Variants in ERO1B observed in about 807,000 individuals in gnomAD.
ERO1B encodes the protein ERO1-like protein beta.
Under a neutral mutation model 75.3 loss-of-function variants are expected in ERO1B, and 49 were observed. The ratio of observed to expected loss-of-function variants is 0.65; its 90% CI spans 0.52 to 0.83. The LOEUF (loss-of-function observed/expected upper bound fraction) is 0.83, where lower values mean the gene tolerates loss of function less well. Ranked by LOEUF, ERO1B falls within the 40% of genes least tolerant of loss-of-function variation. The pLI is 0.00. For missense variants in ERO1B, 512 were observed against 560.1 expected, an observed-to-expected ratio of 0.91 and a Z score of 0.87; for synonymous variants, 191 against 192.9, an observed-to-expected ratio of 0.99 and a Z score of 0.08.
chr1:236,258,148 G>A (rs115973763), intron 2 of ERO1B, among the ~76,000 whole-genome samples: 7 of 1,382 alleles, frequency 5.1e-3, no homozygotes, highest in African/African-American at 7.0e-3. Flanking sequence ...GAAAAACAAA[G>A]CAAAAAAAAA....
chr1:236,266,589 G>A (rs1028635283), intron 2 of ERO1B, among the ~76,000 whole-genome samples: 10 of 150,998 alleles, frequency 6.6e-5, no homozygotes, highest in African/African-American at 2.4e-4. Flanking sequence ...GGGCAACAGA[G>A]CAAGACTCTG....
In ERO1B at chr1:236,231,026, A is replaced by G. The variant is rs542303126; in HGVS notation, c.686-776T>C. 7.9e-5 allele frequency among the ~76,000 whole-genome samples: 12 copies of G among 152,336 alleles called. No homozygotes were observed. In the East Asian group the frequency reaches 2.3e-3, roughly 29 times the overall value. ...TAACGATCTCAAATTTGCTTTTCAT[A>G]ACAACCATAGTGCTTTTTAAATATT... On this transcript the variant is annotated intron_variant, in intron 9 of 15. Coordinates refer to ENST00000354619, the MANE Select transcript of ERO1B (RefSeq NM_019891.4).
At chr1:236,258,314 G>C (rs1014449059) in intron 2 of ERO1B, among the ~76,000 whole-genome samples, 2 of 152,042 alleles carry the variant, frequency 1.3e-5, no homozygotes, top group African/African-American at 4.8e-5. Context: ...TACAAACAAG[G>C]GAACTTCCAG....
In ERO1B at chr1:236,239,873, G is replaced by A. The variant is rs200381278; in HGVS notation, c.506-3475C>T. Among the ~76,000 whole-genome samples, 456 of 78,438 alleles carry A rather than the reference G, an allele frequency of 5.8e-3. 9 individuals are homozygous for A. Among genetic ancestry groups the A allele is most frequent in the African/African-American group, 0.017 (381 of 21,918 alleles). The allele number at this position is 78,438 out of a possible 152,430, so 51.5% of individuals were successfully genotyped here. On this transcript the variant is annotated intron_variant, in intron 6 of 15. Transcript: ENST00000354619. Reference sequence around the variant, plus strand: ...TGTGTATATATGTATATATATATGTGTATATGTGTGTGTGTGTGTATATAT... The same window carrying A: ...TGTGTATATATGTATATATATATGTATATATGTGTGTGTGTGTGTATATAT...
At chr1:236,227,342 G>C (rs1322230127) in intron 10 of ERO1B, among the ~76,000 whole-genome samples, 1 of 152,174 alleles carries the variant, frequency 6.6e-6, no homozygotes, top group East Asian at 1.9e-4. Flanking sequence ...AACGTTATTT[G>C]ATGTAGCCTT....
chr1:236,272,607 C>G (rs947524513), intron 1 of ERO1B, among the ~76,000 whole-genome samples: 1 of 152,016 alleles, frequency 6.6e-6, no homozygotes, highest in African/African-American at 2.4e-5. Flanking sequence ...ACCCATGTAA[C>G]AAACCTGCAC....
intron 13 of ERO1B, 140 bp from the exon 14 acceptor site, chr1:236,222,150 C>T (rs893525083): frequency 1.4e-6 from 1 of 709,286 alleles, no homozygotes; most frequent in African/African-American, 1.8e-5. Context: ...TGCTTTGTCG[C>T]CCAGGCTGGA....
chr1:236,240,831 T>C (rs551737108), intron 6 of ERO1B, among the ~76,000 whole-genome samples: 3 of 151,854 alleles, frequency 2.0e-5, no homozygotes, highest in Non-Finnish European at 4.4e-5. Flanking sequence ...TGTCAGACAG[T>C]TGTTAGTGCT....
intron 14 of ERO1B, 144 bp from the exon 15 acceptor site, chr1:236,221,109 A>G (rs1664129243): frequency 3.4e-6 from 2 of 582,556 alleles, no homozygotes; most frequent in South Asian, 5.2e-5. Context: ...TACAGTTTCT[A>G]CTTTCTCACA....
Position 236,281,579 on chromosome 1 carries a change from G to GGCCCGGCCCC in ERO1B, c.102+102_102+103insGGGGCCGGGC, listed in dbSNP as rs1665830446. The GGCCCGGCCCC allele has an allele frequency of 6.5e-6, 4 of 618,800 alleles. No homozygotes were observed. The South Asian group carries it at 2.1e-4, about 32-fold the overall frequency. 38.3% of individuals were successfully genotyped at this position (618,800 alleles called of 1,614,324 possible). On this transcript the variant is annotated intron_variant, in intron 1 of 15. Coordinates refer to ENST00000354619, the MANE Select transcript of ERO1B (RefSeq NM_019891.4). ...GCTCGCCAGAAATCACCTCTTTTCT[G>GGCCCGGCCCC]GCCCGGCCCTGCCCGGCCCTCCCCG...
In ERO1B at chr1:236,216,700, T is replaced by C. The variant is rs1200936364; in HGVS notation, c.*1816A>G. ...TAATAGCCTTTAACTGAGGGAGTGGTGAAATAACACTATCAAAAAGTTCTT... is the reference window on the plus strand; with the variant it reads ...TAATAGCCTTTAACTGAGGGAGTGGCGAAATAACACTATCAAAAAGTTCTT... On this transcript the variant is annotated 3_prime_UTR_variant, in exon 16 of 16. Transcript: ENST00000354619. The C allele has an allele frequency of 6.6e-6, 1 of 152,096 alleles. No homozygotes were observed. The highest frequency in any genetic ancestry group is 2.1e-4 in the South Asian group (1 of 4,824). The allele number at this position is 152,096 out of a possible 1,614,324, so 9.4% of individuals were successfully genotyped here. A position where few individuals can be genotyped will look rare whatever the true frequency, so the allele number is the denominator to read the frequency against.
At chr1:236,264,103 C>T (rs1665362506) in intron 2 of ERO1B, among the ~76,000 whole-genome samples, 1 of 151,602 alleles carries the variant, frequency 6.6e-6, no homozygotes, top group African/African-American at 2.4e-5. Flanking sequence ...TTTCATATAA[C>T]TACATTTTCT....
In ERO1B at chr1:236,249,981, C is replaced by A; in HGVS notation, c.349-14G>T. 1.3e-6 allele frequency: 2 copies of A among 1,557,710 alleles called. No individual in the cohort carries two copies. Among genetic ancestry groups the A allele is most frequent in the Non-Finnish European group, 1.7e-6 (2 of 1,148,496 alleles). Reference sequence around the variant, plus strand: ...CATTTTCAAGTACTGCAAAGAAGTTCGTAAGTTTAGTAAAAATTATTACCT... The same window carrying A: ...CATTTTCAAGTACTGCAAAGAAGTTAGTAAGTTTAGTAAAAATTATTACCT... On this transcript the variant is annotated splice_polypyrimidine_tract_variant and intron_variant, in intron 4 of 15. Coordinates refer to ENST00000354619, the MANE Select transcript of ERO1B (RefSeq NM_019891.4).
At chr1:236,261,510 T>C (rs1239441426) in intron 2 of ERO1B, among the ~76,000 whole-genome samples, 2 of 151,984 alleles carry the variant, frequency 1.3e-5, no homozygotes, top group Non-Finnish European at 2.9e-5. Flanking sequence ...ACACTAACAA[T>C]GAACAATCCC....
rs201294339 is a variant in ERO1B at position 236,243,499 on chromosome 1, T to C, written c.432-4A>G. 1.5e-4 allele frequency: 235 copies of C among 1,590,406 alleles called. No homozygotes were observed. In the African/African-American group the frequency reaches 2.8e-3, roughly 19 times the overall value. ...GAAAGCTTCTTTGCTTTGATTACTA[T>C]GGGAAGGAGGAATAAAAAAGAAAAA... is the stretch of plus-strand genomic sequence containing the variant. On this transcript the variant is annotated splice_polypyrimidine_tract_variant and splice_region_variant and intron_variant, in intron 5 of 15. Transcript: ENST00000354619.
At chr1:236,258,964 T>C (rs185508171) in intron 2 of ERO1B, among the ~76,000 whole-genome samples, 4 of 152,264 alleles carry the variant, frequency 2.6e-5, no homozygotes, top group Non-Finnish European at 4.4e-5. Context: ...AGAACACTAT[T>C]ATACTGTACT....
chr1:236,280,992 C>A (rs1665816613), intron 1 of ERO1B, among the ~76,000 whole-genome samples: 1 of 152,188 alleles, frequency 6.6e-6, no homozygotes, highest in Admixed American at 6.5e-5. Flanking sequence ...CAACAACCAG[C>A]CAGCACCTCA....
intron 2 of ERO1B, among the ~76,000 whole-genome samples, chr1:236,259,292 C>T (rs2102960332): frequency 6.6e-6 from 1 of 152,064 alleles, no homozygotes; most frequent in African/African-American, 2.4e-5. Context: ...ATCATCAAAC[C>T]ACAAAGGAAA....
At chr1:236,233,467 C>T (rs140140622) in intron 8 of ERO1B, among the ~76,000 whole-genome samples, 62 of 151,198 alleles carry the variant, frequency 4.1e-4, no homozygotes, top group African/African-American at 1.2e-3. Flanking sequence ...GCGTGGTGAC[C>T]GGCACCTTGT....
Sources: gnomAD v4.1 joint callset for allele counts (sites outside exome capture counted in the v4.1 genomes callset) on GRCh38, gnomAD v4.1.1 for gene constraint, MANE v1.5 for transcripts, NCBI Gene and HGNC (gene_info 2026-07-23, HGNC 2026-07-21) for gene names.